Variants in C12orf56 observed in about 807,000 individuals in gnomAD.
C12orf56 encodes the protein chromosome 12 open reading frame 56.
A neutral mutation model predicts 69.9 loss-of-function variants in C12orf56; 71 were observed. That is an observed-to-expected ratio of 1.02 (90% CI 0.84 to 1.24). The LOEUF (loss-of-function observed/expected upper bound fraction) is 1.24. C12orf56 is among the 50% of genes most tolerant of loss of function. The probability of loss-of-function intolerance (pLI) is 0.00; values close to 1 mark genes in which losing one functional copy is unlikely to be tolerated. For missense variants in C12orf56, 732 were observed against 738.5 expected (o/e 0.99, Z 0.10); for synonymous variants, 276 against 274.1 (o/e 1.01, Z -0.07).
At chr12:64,321,798 T>C (rs924110421) in intron 3 of C12orf56, among the ~76,000 whole-genome samples, 9 of 152,172 alleles carry the variant, frequency 5.9e-5, no homozygotes, top group Non-Finnish European at 1.2e-4. Flanking sequence ...CATTAAGTTC[T>C]AAGTATCTTT....
At chr12:64,338,884 A>T (rs1470845995) in intron 2 of C12orf56, 7 of 607,190 alleles carry the variant, frequency 1.2e-5, no homozygotes, top group African/African-American at 1.1e-4. Context: ...ACCCCTGTGC[A>T]GACCTTGGTT....
In C12orf56 at chr12:64,390,689, G is replaced by A. The variant is rs1272784208; in HGVS notation, c.-124C>T. The A allele has an allele frequency of 1.5e-6, 2 of 1,319,704 alleles. No homozygotes were observed. The highest frequency in any genetic ancestry group is 1.8e-5 in the South Asian group (1 of 55,914). The allele number at this position is 1,319,704 out of a possible 1,614,324, so 81.7% of individuals were successfully genotyped here. A position where few individuals can be genotyped will look rare whatever the true frequency, so the allele number is the denominator to read the frequency against. ...GCCACGCGTCGCCTCCTCTCCAGGC[G>A]CGGGGACCCGGGCCGCAACTGCAGG... On this transcript the variant is annotated 5_prime_UTR_variant, in exon 1 of 13. Transcript: ENST00000543942.
At chr12:64,313,446 C>G (rs1219108031) in intron 4 of C12orf56, among the ~76,000 whole-genome samples, 1 of 151,744 alleles carries the variant, frequency 6.6e-6, no homozygotes, top group African/African-American at 2.4e-5. Context: ...ACTTCGGAGG[C>G]TGAGGCAGGT....
chr12:64,366,350 A>G (rs1261470405), intron 1 of C12orf56, among the ~76,000 whole-genome samples: 1 of 100,646 alleles, frequency 9.9e-6, no homozygotes, highest in African/African-American at 4.1e-5. Context: ...TATATATTAT[A>G]TATTATATAC....
At chr12:64,358,503 C>A (rs377759469) in intron 1 of C12orf56, among the ~76,000 whole-genome samples, 53,044 of 143,698 alleles carry the variant, frequency 0.37, 10,182 homozygotes, top group East Asian at 0.61. Context: ...TCATCATCAT[C>A]ATCATCTTGG....
chr12:64,385,096 T>C (rs949573526), intron 1 of C12orf56, among the ~76,000 whole-genome samples: 1 of 150,584 alleles, frequency 6.6e-6, no homozygotes, highest in Non-Finnish European at 1.5e-5. Context: ...AGGGCTTAAG[T>C]GGTATTTTGA....
chr12:64,374,492 C>A (rs1592500056), intron 1 of C12orf56, among the ~76,000 whole-genome samples: 1 of 152,054 alleles, frequency 6.6e-6, no homozygotes, highest in East Asian at 1.9e-4. Context: ...ATATTTGCAA[C>A]TGATATTAAT....
intron 11 of C12orf56, 26 bp from the exon 12 acceptor site, chr12:64,270,740 G>T (rs777178255): frequency 3.0e-5 from 47 of 1,560,362 alleles, no homozygotes; most frequent in Non-Finnish European, 4.1e-5. Context: ...ACAGTTACAT[G>T]TAGGCTGTGT....
chr12:64,335,542 A>T (rs1016598456), intron 2 of C12orf56, among the ~76,000 whole-genome samples: 1 of 152,092 alleles, frequency 6.6e-6, no homozygotes, highest in African/African-American at 2.4e-5. Flanking sequence ...TGTGAAAAGT[A>T]CAATTCAGGT....
chr12:64,313,620 A>T (rs565776033), intron 4 of C12orf56, among the ~76,000 whole-genome samples: 6 of 151,504 alleles, frequency 4.0e-5, no homozygotes, highest in African/African-American at 1.2e-4. Context: ...TGAATTATAA[A>T]CACATAAATT....
chr12:64,311,356 T>C (rs976139793), intron 5 of C12orf56, among the ~76,000 whole-genome samples: 1 of 150,076 alleles, frequency 6.7e-6, no homozygotes, highest in African/African-American at 2.5e-5. Flanking sequence ...GAGGTTACAG[T>C]GAGCCAAGAT....
chr12:64,274,443 T>G (rs971533793), intron 11 of C12orf56, among the ~76,000 whole-genome samples: 1 of 152,174 alleles, frequency 6.6e-6, no homozygotes, highest in Non-Finnish European at 1.5e-5. Flanking sequence ...AATGGATCCC[T>G]CAGCCTGTAA....
intron 7 of C12orf56, among the ~76,000 whole-genome samples, chr12:64,285,202 A>C (rs2038183674): frequency 1.3e-5 from 2 of 152,182 alleles, no homozygotes; most frequent in Non-Finnish European, 2.9e-5. Flanking sequence ...AAAAAAAGAA[A>C]AAAATTGTTG....
intron 1 of C12orf56, among the ~76,000 whole-genome samples, chr12:64,357,859 C>T (rs1272718184): frequency 6.6e-6 from 1 of 151,728 alleles, no homozygotes; most frequent in African/African-American, 2.4e-5. Flanking sequence ...AAGACTGCTC[C>T]ACTGCTCTCC....
intron 1 of C12orf56, among the ~76,000 whole-genome samples, chr12:64,384,961 A>G (rs1242627778): frequency 6.6e-6 from 1 of 151,784 alleles, no homozygotes; most frequent in Non-Finnish European, 1.5e-5. Context: ...GGCTGAGGCA[A>G]GAGAATCACT....
At position 64,390,489 on chromosome 12, in the gene C12orf56, G is replaced by T; in HGVS notation, c.77C>A (p.Pro26Gln). Reference sequence around the variant, plus strand: ...GCGGACCGCGTCGTAGACCTCGGGCGGCAGATGCCGCCGCAGGAACACATC... The same window carrying T: ...GCGGACCGCGTCGTAGACCTCGGGCTGCAGATGCCGCCGCAGGAACACATC... ...RLDVFLRRHL[P>Q]PEVYDAVRAY... is the part of the protein sequence containing the mutation. The change falls in exon 1 of 13, where the codon CCG (proline) becomes CAG (glutamine). Residue 26 changes from proline (P) to glutamine (Q), a missense_variant. Transcript: ENST00000543942. The T allele has an allele frequency of 1.2e-6, 2 of 1,602,954 alleles. No individual in the cohort carries two copies. The highest frequency in any genetic ancestry group is 2.2e-5 in the South Asian group (2 of 91,084).
intron 8 of C12orf56, among the ~76,000 whole-genome samples, chr12:64,283,902 G>A (rs907423951): frequency 1.5e-5 from 2 of 137,244 alleles, no homozygotes; most frequent in African/African-American, 2.7e-5. Flanking sequence ...ATATTTTAGA[G>A]TATCTATTTT....
intron 4 of C12orf56, among the ~76,000 whole-genome samples, chr12:64,314,149 G>T (rs902640670): frequency 5.3e-4 from 80 of 150,082 alleles, no homozygotes; most frequent in African/African-American, 1.9e-3. Context: ...ACAGTGGCAT[G>T]ATCATACCTC....
At chr12:64,353,220 C>A (rs766723261) in intron 1 of C12orf56, among the ~76,000 whole-genome samples, 164 bp from the exon 2 acceptor site, 19 of 151,928 alleles carry the variant, frequency 1.3e-4, no homozygotes, top group Non-Finnish European at 2.2e-4. Context: ...TGCAGTGGTG[C>A]GATCTCAACT....
Sources: gnomAD v4.1 joint callset for allele counts (sites outside exome capture counted in the v4.1 genomes callset) on GRCh38, gnomAD v4.1.1 for gene constraint, MANE v1.5 for transcripts, NCBI Gene and HGNC (gene_info 2026-07-23, HGNC 2026-07-21) for gene names.